The following RAPGEF2 variants were observed in gnomAD, a reference collection of about 807,000 sequenced individuals.
RAPGEF2 encodes PDZ domain containing guanine nucleotide exchange factor (GEF) 1.
RAPGEF2 carries 54 observed loss-of-function variants against 186.7 expected under a neutral mutation model. That is an observed-to-expected ratio of 0.29 (90% CI 0.23 to 0.36). RAPGEF2 has a LOEUF of 0.36. Among genes scored for constraint, RAPGEF2 ranks in the 10% least tolerant of loss-of-function variants. The pLI, the probability that RAPGEF2 is intolerant of heterozygous loss-of-function variation, is 1.00. For synonymous variants in RAPGEF2, 712 were observed against 705.9 expected, an observed-to-expected ratio of 1.01 and a Z score of -0.14; for missense variants, 1,532 against 2,045.0, an observed-to-expected ratio of 0.75 and a Z score of 4.84.
At chr4:159,308,017 C>T (rs1019585799) in intron 8 of RAPGEF2, among the ~76,000 whole-genome samples, 2 of 152,152 alleles carry the variant, frequency 1.3e-5, no homozygotes, top group African/African-American at 4.8e-5. Flanking sequence ...GAGGCATATT[C>T]TGAGGGGAAT....
In RAPGEF2 at chr4:159,346,769, C is replaced by T; in HGVS notation, c.3503-20C>T. Reference sequence around the variant, plus strand: ...CATCTAAAATTCTTTGTTCTATTTTCAAACCCAAACAATTATCAGTGCCTA... The same window carrying T: ...CATCTAAAATTCTTTGTTCTATTTTTAAACCCAAACAATTATCAGTGCCTA... On this transcript the variant is annotated intron_variant, in intron 24 of 29. Coordinates refer to ENST00000691494, the MANE Select transcript of RAPGEF2 (RefSeq NM_001394067.2). 6.2e-7 allele frequency: 1 copy of T among 1,604,144 alleles called. No homozygotes were observed. The highest frequency in any genetic ancestry group is 8.5e-7 in the Non-Finnish European group (1 of 1,172,240).
chr4:159,344,470 T>C (rs1445241275), intron 23 of RAPGEF2, among the ~76,000 whole-genome samples: 3 of 152,300 alleles, frequency 2.0e-5, no homozygotes, highest in African/African-American at 7.2e-5. Flanking sequence ...ATAAAATAGG[T>C]GCCCCCAGGT....
chr4:159,335,943 T>A (rs888507533), intron 17 of RAPGEF2, among the ~76,000 whole-genome samples: 2 of 150,872 alleles, frequency 1.3e-5, no homozygotes, highest in African/African-American at 4.9e-5. Flanking sequence ...CCTGAGCCCA[T>A]AGTAATGATC....
At chr4:159,354,583 G>A (rs1420831359) in intron 28 of RAPGEF2, among the ~76,000 whole-genome samples, 1 of 152,212 alleles carries the variant, frequency 6.6e-6, no homozygotes, top group South Asian at 2.1e-4. Flanking sequence ...AAGAGCACGG[G>A]TTTAGGAGTC....
At chr4:159,168,649 T>C (rs889900929) in intron 1 of RAPGEF2, among the ~76,000 whole-genome samples, 5 of 152,162 alleles carry the variant, frequency 3.3e-5, no homozygotes, top group African/African-American at 1.2e-4. Context: ...AGTAAAAGGG[T>C]ATACTTTGAA....
chr4:159,219,704 T>A (rs1448548048), intron 4 of RAPGEF2, among the ~76,000 whole-genome samples: 1 of 152,202 alleles, frequency 6.6e-6, no homozygotes, highest in African/African-American at 2.4e-5. Context: ...TTAAAAGTTA[T>A]GAGCAAAAAT....
In RAPGEF2 at chr4:159,338,485, C is replaced by A. The variant is rs1767787402; in HGVS notation, c.2293+17C>A. ...CTACTCCTGGTGAGTATCACCAACA[C>A]TTCTTTTGTTTTCTTATAGTTATCT... is the stretch of plus-strand genomic sequence containing the variant. On this transcript the variant is annotated intron_variant, in intron 18 of 29. Transcript: ENST00000691494. 1 of 1,591,512 alleles carries A rather than the reference C, an allele frequency of 6.3e-7. No individual in the cohort carries two copies.
At chr4:159,193,314 A>T in intron 3 of RAPGEF2, 58 bp downstream of exon 3, 1 of 1,117,272 alleles carries the variant, frequency 9.0e-7, no homozygotes, top group Non-Finnish European at 1.2e-6. Context: ...AATTTTCTTA[A>T]AGTATCAAAG....
At chr4:159,156,468 G>A (rs959047824) in intron 1 of RAPGEF2, among the ~76,000 whole-genome samples, 2 of 151,390 alleles carry the variant, frequency 1.3e-5, no homozygotes, top group African/African-American at 2.4e-5. Context: ...TTTTTAGCCT[G>A]AGGAACTTTT....
At chr4:159,291,786 GT>G (rs57094153) in intron 7 of RAPGEF2, among the ~76,000 whole-genome samples, 28,545 of 145,842 alleles carry the variant, frequency 0.2, 2,766 homozygotes, top group Admixed American at 0.26. Context: ...TAGTGCTGTT[GT>G]TTTTTTTTTT....
intron 7 of RAPGEF2, among the ~76,000 whole-genome samples, chr4:159,261,270 G>T (rs1443433180): frequency 2.0e-5 from 3 of 150,752 alleles, no homozygotes; most frequent in Admixed American, 1.3e-4. Context: ...CACTGTGTTA[G>T]CCAGGATGGT....
rs375737795 is a variant in RAPGEF2 at position 159,358,124 on chromosome 4, A to C, written c.4968A>C (p.Gln1656His). Residue 1656 changes from glutamine (Q) to histidine (H), a missense_variant, in exon 30 of 30, where the codon CAA becomes CAC. Transcript: ENST00000691494. ...GFSTEEDEDEQVSAV is the reference protein window; with the variant it reads ...GFSTEEDEDEHVSAV The stretch of plus-strand genomic sequence containing the variant: ...CTGCTGTATTTGCAGAAGATGAACA[A>C]GTTTCTGCTGTTTGAGGCACAGACT... 34 of 1,612,364 alleles carry C rather than the reference A, an allele frequency of 2.1e-5. No homozygotes were observed. The African/African-American group carries it at 2.9e-4, about 14-fold the overall frequency.
At chr4:159,351,685 G>A (rs1260361845) in intron 26 of RAPGEF2, among the ~76,000 whole-genome samples, 1 of 152,166 alleles carries the variant, frequency 6.6e-6, no homozygotes, top group Non-Finnish European at 1.5e-5. Flanking sequence ...GCTTACGCCT[G>A]TAATCCCAGC....
intron 8 of RAPGEF2, among the ~76,000 whole-genome samples, chr4:159,304,709 A>G (rs1455690188): frequency 6.6e-6 from 1 of 152,020 alleles, no homozygotes; most frequent in Non-Finnish European, 1.5e-5. Context: ...TATTTGTATA[A>G]ATTTGTGGGG....
Position 159,355,927 on chromosome 4 carries a change from C to A in RAPGEF2, c.4726C>A (p.Pro1576Thr). ...GYIGIPITDF[P>T]EGHSHPARKP... ...CATTGGAATTCCCATTACTGACTTT[C>A]CAGAAGGGCACTCCCATCCAGCCAG... is the stretch of plus-strand genomic sequence containing the variant. The change falls in exon 29 of 30, where the codon CCA becomes ACA. Residue 1576 changes from proline (P) to threonine (T), a missense_variant. Physicochemically the swap from Pro to Thr is conservative, Grantham distance 38. This residue lies in a region of RAPGEF2 where 594 missense variants were observed against 608.5 expected (regional missense o/e 0.98). Transcript: ENST00000691494. 1 of 1,247,184 alleles carries A rather than the reference C, an allele frequency of 8.0e-7. No homozygotes were observed. The highest frequency in any genetic ancestry group is 1.1e-6 in the Non-Finnish European group (1 of 937,420). The allele number at this position is 1,247,184 out of a possible 1,614,324, so 77.3% of individuals were successfully genotyped here.
chr4:159,308,550 A>G (rs1325364447), intron 8 of RAPGEF2, among the ~76,000 whole-genome samples: 1 of 152,198 alleles, frequency 6.6e-6, no homozygotes, highest in Non-Finnish European at 1.5e-5. Context: ...TTTCTCCCCT[A>G]GAAGCCTATT....
At chr4:159,204,181 C>T (rs895839725) in intron 3 of RAPGEF2, among the ~76,000 whole-genome samples, 1 of 152,162 alleles carries the variant, frequency 6.6e-6, no homozygotes, top group African/African-American at 2.4e-5. Context: ...AGAAGATGCT[C>T]AGGAATAAGA....
At chr4:159,120,748 G>A (rs1192080583) in intron 1 of RAPGEF2, among the ~76,000 whole-genome samples, 2 of 152,042 alleles carry the variant, frequency 1.3e-5, no homozygotes, top group African/African-American at 4.8e-5. Flanking sequence ...GTTAGGACTC[G>A]GTTTTTCTTT....
intron 2 of RAPGEF2, among the ~76,000 whole-genome samples, chr4:159,186,945 A>G (rs1747618157): frequency 1.3e-5 from 2 of 152,176 alleles, no homozygotes; most frequent in Admixed American, 1.3e-4. Flanking sequence ...AGCATTTGAA[A>G]TCCACTCTTT....
Sources: gnomAD v4.1 joint callset for allele counts (sites outside exome capture counted in the v4.1 genomes callset) on GRCh38, gnomAD v4.1.1 for gene constraint, gnomAD v4.1.1 regional missense constraint, MANE v1.5 for transcripts, NCBI Gene and HGNC (gene_info 2026-07-23, HGNC 2026-07-21) for gene names.